Variants in SEMA5A observed in about 807,000 individuals in gnomAD.
SEMA5A encodes semaphorin-5A.
A neutral mutation model predicts 135.5 loss-of-function variants in SEMA5A; 55 were observed. That is an observed-to-expected ratio of 0.41 (90% confidence interval 0.33 to 0.51). The LOEUF is 0.51. Ranked by LOEUF, SEMA5A falls within the 20% of genes least tolerant of loss-of-function variation. SEMA5A has a pLI of 0.37. For synonymous variants in SEMA5A, 580 were observed against 546.5 expected (o/e 1.06, Z -0.85); for missense variants, 1,290 against 1,419.9 (o/e 0.91, Z 1.47).
chr5:9,482,858 C>A (rs1267960608), intron 1 of SEMA5A, among the ~76,000 whole-genome samples: 4 of 152,234 alleles, frequency 2.6e-5, no homozygotes, highest in African/African-American at 9.6e-5. Context: ...CTTGACACAG[C>A]TGGACTTTCC....
At chr5:9,314,569 G>A (rs1320404697) in intron 5 of SEMA5A, among the ~76,000 whole-genome samples, 1 of 151,932 alleles carries the variant, frequency 6.6e-6, no homozygotes, top group South Asian at 2.1e-4. Flanking sequence ...TCTATCAGAC[G>A]GCACTGTTAT....
At chr5:9,192,292 G>C (rs1180404881) in intron 10 of SEMA5A, among the ~76,000 whole-genome samples, 1 of 152,262 alleles carries the variant, frequency 6.6e-6, no homozygotes, top group African/African-American at 2.4e-5. Context: ...CCGGTGGCTA[G>C]GAAAATAGTT....
intron 9 of SEMA5A, 101 bp downstream of exon 9, chr5:9,201,854 A>T: frequency 8.5e-7 from 1 of 1,170,306 alleles, no homozygotes; most frequent in Non-Finnish European, 1.2e-6. Context: ...ATTAAGAAAG[A>T]TTTTCTCTAA....
At chr5:9,352,097 G>GGGT (rs1042442472) in intron 3 of SEMA5A, among the ~76,000 whole-genome samples, 3 of 149,056 alleles carry the variant, frequency 2.0e-5, no homozygotes, top group East Asian at 2.0e-4. Flanking sequence ...AACAGGTCGG[G>GGGT]GGGGTTACTT....
At chr5:9,481,458 T>C (rs1759873727) in intron 1 of SEMA5A, among the ~76,000 whole-genome samples, 1 of 152,156 alleles carries the variant, frequency 6.6e-6, no homozygotes, top group Non-Finnish European at 1.5e-5. Context: ...CAGACTACAG[T>C]AGCTAATGGG....
intron 11 of SEMA5A, among the ~76,000 whole-genome samples, chr5:9,181,711 C>T (rs1329157933): frequency 2.6e-5 from 4 of 152,090 alleles, no homozygotes; most frequent in African/African-American, 7.2e-5. Flanking sequence ...GGAAGGGATG[C>T]GACAGTGAGT....
intron 5 of SEMA5A, among the ~76,000 whole-genome samples, chr5:9,249,624 A>G (rs1748667013): frequency 6.6e-6 from 1 of 152,152 alleles, no homozygotes; most frequent in African/African-American, 2.4e-5. Context: ...TTCCTGCCCT[A>G]CAATATATAT....
At chr5:9,127,753 A>G (rs962816730) in intron 13 of SEMA5A, among the ~76,000 whole-genome samples, 3 of 152,210 alleles carry the variant, frequency 2.0e-5, no homozygotes, top group Non-Finnish European at 4.4e-5. Flanking sequence ...GAGGCAAAGA[A>G]GAGCTTTCCA....
At chr5:9,318,723 G>T (rs78546967) in intron 4 of SEMA5A, among the ~76,000 whole-genome samples, 1 of 152,128 alleles carries the variant, frequency 6.6e-6, no homozygotes, top group Non-Finnish European at 1.5e-5. Flanking sequence ...AAAGGACATG[G>T]GCATTCCATT....
intron 16 of SEMA5A, among the ~76,000 whole-genome samples, chr5:9,097,699 C>G (rs2150135550): frequency 6.6e-6 from 1 of 151,906 alleles, no homozygotes; most frequent in African/African-American, 2.4e-5. Flanking sequence ...GAGTGTTACT[C>G]TCACTCAGTC....
chr5:9,450,966 C>T (rs17259075), intron 1 of SEMA5A, among the ~76,000 whole-genome samples: 3,001 of 152,192 alleles, frequency 0.02, 49 homozygotes, highest in South Asian at 0.067. Flanking sequence ...AGAAATCAGC[C>T]TAATAATTGA....
chr5:9,186,575 C>T (rs1433357258), intron 11 of SEMA5A, among the ~76,000 whole-genome samples: 1 of 152,198 alleles, frequency 6.6e-6, no homozygotes, highest in Non-Finnish European at 1.5e-5. Context: ...CTTACCCATG[C>T]TCTATCAGTT....
chr5:9,329,225 G>GA (rs1753007853), intron 4 of SEMA5A, among the ~76,000 whole-genome samples: 1 of 136 alleles, frequency 7.4e-3, no homozygotes, highest in African/African-American at 0.036. Flanking sequence ...AATTGCTTGT[G>GA]CCCGTCTCAC....
chr5:9,083,387 T>C (rs1203418132), intron 16 of SEMA5A, among the ~76,000 whole-genome samples: 1 of 152,218 alleles, frequency 6.6e-6, no homozygotes, highest in African/African-American at 2.4e-5. Context: ...CTTTAAAAAA[T>C]AACTCAGGTT....
At chr5:9,231,897 C>A (rs987542317) in intron 6 of SEMA5A, among the ~76,000 whole-genome samples, 1 of 152,300 alleles carries the variant, frequency 6.6e-6, no homozygotes, top group East Asian at 1.9e-4. Context: ...TGCCACAAGG[C>A]TTCTAGGGTT....
intron 15 of SEMA5A, among the ~76,000 whole-genome samples, chr5:9,112,695 G>A (rs1238648854): frequency 6.6e-6 from 1 of 152,124 alleles, no homozygotes; most frequent in Non-Finnish European, 1.5e-5. Context: ...AGAATGCATT[G>A]GACAGGCTCT....
intron 5 of SEMA5A, among the ~76,000 whole-genome samples, chr5:9,269,437 T>C (rs1749855251): frequency 6.6e-6 from 1 of 152,158 alleles, no homozygotes; most frequent in African/African-American, 2.4e-5. Flanking sequence ...AGTATTTGTG[T>C]TCTGGCTTGG....
At chr5:9,170,565 TC>T (rs1743862343) in intron 11 of SEMA5A, among the ~76,000 whole-genome samples, 1 of 151,846 alleles carries the variant, frequency 6.6e-6, no homozygotes. Context: ...AGTGATTAGG[TC>T]ATGAGGGTGG....
chr5:9,431,402 C>T lies in SEMA5A; in HGVS notation c.-78+6354G>A, dbSNP rs1482167392. On this transcript the variant is annotated intron_variant, in intron 2 of 22. Coordinates refer to ENST00000382496, the MANE Select transcript of SEMA5A (RefSeq NM_003966.3). ...TCCCAGAATCTCCCAACCAACTTCCCAACCTTTGCTTTTTCTGCTTTGGTT... is the reference window on the plus strand; with the variant it reads ...TCCCAGAATCTCCCAACCAACTTCCTAACCTTTGCTTTTTCTGCTTTGGTT... Among the ~76,000 whole-genome samples the T allele has an allele frequency of 2.0e-5, 3 of 152,182 alleles. No individual in the cohort carries two copies. The East Asian group carries it at 5.8e-4, about 29-fold the overall frequency.
Sources: allele counts gnomAD v4.1 joint callset (sites outside exome capture counted in the v4.1 genomes callset), GRCh38; gene constraint gnomAD v4.1.1; transcripts MANE v1.5; gene names NCBI Gene and HGNC (gene_info 2026-07-23, HGNC 2026-07-21).